SPTB: variants seen among roughly 807,000 people sequenced by gnomAD.
SPTB encodes spectrin beta chain, erythrocytic.
SPTB carries 45 observed loss-of-function variants against 256.2 expected under a neutral mutation model. That is an observed-to-expected ratio of 0.18 (90% CI 0.14 to 0.23). The LOEUF is 0.23. Among genes scored for constraint, SPTB ranks in the 10% least tolerant of loss-of-function variants. The probability of loss-of-function intolerance (pLI) is 1.00; values close to 1 mark genes in which losing one functional copy is unlikely to be tolerated. For missense variants in SPTB, 2,715 were observed against 3,040.4 expected (o/e 0.89, Z 2.52); for synonymous variants, 1,231 against 1,243.1 (o/e 0.99, Z 0.21).
chr14:64,750,351 T>C (rs2081926222), intron 33 of SPTB, 197 bp from the exon 34 acceptor site: 1 of 618,316 alleles, frequency 1.6e-6, no homozygotes, highest in Non-Finnish European at 2.6e-6. Context: ...GTATTCCTTC[T>C]AGTCTTCACA....
chr14:64,812,338 A>G (rs955244794), intron 2 of SPTB, among the ~76,000 whole-genome samples: 1 of 152,162 alleles, frequency 6.6e-6, no homozygotes, highest in African/African-American at 2.4e-5. Flanking sequence ...GGGATTTTTC[A>G]CCAGGCCAAA....
intron 24 of SPTB, 151 bp downstream of exon 24, chr14:64,774,246 G>T: frequency 9.3e-7 from 1 of 1,074,724 alleles, no homozygotes; most frequent in Non-Finnish European, 1.3e-6. Flanking sequence ...AATGAAATTG[G>T]ATCCATCACC....
chr14:64,818,226 A>G (rs1049563209), intron 2 of SPTB, among the ~76,000 whole-genome samples: 2 of 152,220 alleles, frequency 1.3e-5, no homozygotes, highest in Non-Finnish European at 1.5e-5. Context: ...AAAGAACAGG[A>G]GGAAGACTGA....
At chr14:64,834,832 T>C (rs1219885619) in intron 1 of SPTB, among the ~76,000 whole-genome samples, 4 of 152,220 alleles carry the variant, frequency 2.6e-5, no homozygotes, top group Non-Finnish European at 4.4e-5. Context: ...CATGCAGAAC[T>C]CTTCCAGACA....
At chr14:64,752,365 G>T (rs1431108936) in intron 33 of SPTB, 2 of 820,962 alleles carry the variant, frequency 2.4e-6, no homozygotes, top group South Asian at 1.4e-5. Context: ...TAGGGAGGAA[G>T]TTCTGGAAGG....
rs1555375959 is a variant in SPTB, at chr14:64,841,756, T to TA, written c.-51-18612_-51-18611insT. On this transcript the variant is annotated intron_variant, in intron 1 of 35. Transcript: ENST00000644917. This position sits in a 1 kb window ranked among gnomAD's most constrained non-coding sequence, Gnocchi z 4.6. ...CTGACATCCCATATATATATATATA[T>TA]TTTTTAAGGGTCTTTCTTTAACACA... Among the ~76,000 whole-genome samples, 24,049 of 151,570 alleles carry TA rather than the reference T, an allele frequency of 0.16. 2,766 individuals carry two copies. Among genetic ancestry groups the TA allele is most frequent in the African/African-American group, 0.32 (13,178 of 41,060 alleles).
chr14:64,759,655 G>C lies in SPTB; in HGVS notation c.6346-5862C>G, dbSNP rs1041760399. Among the ~76,000 whole-genome samples, 1 of 152,244 alleles carries C rather than the reference G, an allele frequency of 6.6e-6. No homozygotes were observed. The highest frequency in any genetic ancestry group is 2.4e-5 in the African/African-American group (1 of 41,466). ...GACCGGCAGGTTCTGCCCAAAGGCA[G>C]CATATGGAGGAGCTGATCTGAGGTT... On this transcript the variant is annotated intron_variant, in intron 32 of 35. Transcript: ENST00000644917. The surrounding 1 kb of genome is among the most constrained non-coding windows in gnomAD (Gnocchi z 4.8).
intron 1 of SPTB, among the ~76,000 whole-genome samples, chr14:64,846,629 G>A (rs557855487): frequency 6.6e-6 from 1 of 152,366 alleles, no homozygotes; most frequent in South Asian, 2.1e-4. Flanking sequence ...AAGAAAGACA[G>A]TGTCTCCCGC....
rs142637501 is a variant in SPTB at position 64,791,785 on chromosome 14, C to T, written c.2738G>A (p.Ser913Asn). The T allele has an allele frequency of 3.1e-6, 5 of 1,614,172 alleles. No individual in the cohort carries two copies. The Admixed American group carries it at 5.0e-5, about 16-fold the overall frequency. ...QIDGVNLAAN[S>N]LVESGHPRSR... ...GCGTGGGTGGCCACTCTCTACCAAGCTGTTGGCAGCGAGGTTCACACCATC... is the reference window on the plus strand; with the variant it reads ...GCGTGGGTGGCCACTCTCTACCAAGTTGTTGGCAGCGAGGTTCACACCATC... The change falls in exon 15 of 36, where the codon AGC becomes AAC. Residue 913 changes from serine to asparagine, a missense_variant. Physicochemically the swap from Ser to Asn is conservative, Grantham distance 46 (BLOSUM62 1). Coordinates refer to ENST00000644917, the MANE Select transcript of SPTB (RefSeq NM_001355436.2).
At chr14:64,842,368 T>C (rs982924179) in intron 1 of SPTB, among the ~76,000 whole-genome samples, 2 of 152,124 alleles carry the variant, frequency 1.3e-5, no homozygotes, top group African/African-American at 4.8e-5. Flanking sequence ...GCAGAAATAG[T>C]AGACTAAGGT....
chr14:64,782,153 A>C, intron 20 of SPTB, 137 bp downstream of exon 20: 3 of 1,270,898 alleles, frequency 2.4e-6, no homozygotes, highest in Non-Finnish European at 3.4e-6. Context: ...TGTGCAATAA[A>C]CCCCCATGAC....
At chr14:64,766,280 G>C in intron 32 of SPTB, 1 of 609,204 alleles carries the variant, frequency 1.6e-6, no homozygotes, top group Non-Finnish European at 2.3e-6. Flanking sequence ...GTGCATGCAT[G>C]TGTGTGTGGG....
intron 1 of SPTB, among the ~76,000 whole-genome samples, chr14:64,831,680 C>T (rs1231426003): frequency 2.6e-5 from 4 of 152,188 alleles, no homozygotes; most frequent in Non-Finnish European, 5.9e-5. Flanking sequence ...TAGAAGGGGA[C>T]ATATGCAAGA....
rs2082908420 is a variant in SPTB at position 64,802,623 on chromosome 14, TACAA to T, written c.475-310_475-307del. ...TCCATAGCTGTATTGTGGCTGTCTG[TACAA>T]ACATTGATTCTGTTCCTATTATGTG... On this transcript the variant is annotated intron_variant, in intron 4 of 35. Transcript: ENST00000644917. This position sits in a 1 kb window ranked among gnomAD's most constrained non-coding sequence, Gnocchi z 5.1. Among the ~76,000 whole-genome samples, 1 of 152,148 alleles carries T rather than the reference TACAA, an allele frequency of 6.6e-6. No homozygotes were observed. The highest frequency in any genetic ancestry group is 2.4e-5 in the African/African-American group (1 of 41,416).
At position 64,852,681 on chromosome 14, in the gene SPTB, T is replaced by C. The variant is rs2083807055; in HGVS notation, c.-52+27111A>G. Among the ~76,000 whole-genome samples the C allele has an allele frequency of 6.6e-6, 1 of 152,116 alleles. No homozygotes were observed. The highest frequency in any genetic ancestry group is 2.4e-5 in the African/African-American group (1 of 41,406). On this transcript the variant is annotated intron_variant, in intron 1 of 35. Coordinates refer to ENST00000644917, the MANE Select transcript of SPTB (RefSeq NM_001355436.2). The surrounding 1 kb of genome is among the most constrained non-coding windows in gnomAD (Gnocchi z 4.2). ...GTGAGAGAAAGGGAAGAGCCAAGAA[T>C]GATTTCTCAAGTGGATGATGGTCCT... is the stretch of plus-strand genomic sequence containing the variant.
chr14:64,805,435 C>T (rs1002668724), intron 2 of SPTB, among the ~76,000 whole-genome samples: 1 of 152,196 alleles, frequency 6.6e-6, no homozygotes, highest in Non-Finnish European at 1.5e-5. Flanking sequence ...TACCCATCAA[C>T]CCATCAAATA....
intron 13 of SPTB, 56 bp downstream of exon 13, chr14:64,794,411 C>T: frequency 6.2e-7 from 1 of 1,609,206 alleles, no homozygotes; most frequent in Non-Finnish European, 8.5e-7. Flanking sequence ...GTTGTTAGGC[C>T]AGAGGTGAGG....
In SPTB at chr14:64,793,498, G is replaced by A. The variant is rs150328574; in HGVS notation, c.2165C>T (p.Ser722Leu). The change falls in exon 14 of 36, where the codon TCG (serine) becomes TTG (leucine). Residue 722 changes from serine to leucine, a missense_variant. Ser to Leu is a moderately radical substitution (Grantham distance 145). Transcript: ENST00000644917. The surrounding 1 kb of genome is among the most constrained non-coding windows in gnomAD (Gnocchi z 7.0). ...PQIEARIKEV[S>L]AQWDQLKDLA... ...GTCCTTCAGCTGGTCCCACTGTGCCGACACCTCCTTTATGCGGGCCTCGAT... is the reference window on the plus strand; with the variant it reads ...GTCCTTCAGCTGGTCCCACTGTGCCAACACCTCCTTTATGCGGGCCTCGAT... 1.5e-4 allele frequency: 236 copies of A among 1,613,968 alleles called. No individual in the cohort carries two copies. Among genetic ancestry groups the A allele is most frequent in the Non-Finnish European group, 1.9e-4 (221 of 1,180,040 alleles).
intron 32 of SPTB, chr14:64,754,431 G>T (rs2081994157): frequency 6.1e-6 from 1 of 164,168 alleles, no homozygotes; most frequent in African/African-American, 2.4e-5. Flanking sequence ...ACAGGGCAGT[G>T]GTTCCTAACC....
Sources: gnomAD v4.1 joint callset for allele counts (sites outside exome capture counted in the v4.1 genomes callset) on GRCh38, gnomAD v4.1.1 for gene constraint, Gnocchi (gnomAD v3.1) non-coding constraint, MANE v1.5 for transcripts, NCBI Gene and HGNC (gene_info 2026-07-23, HGNC 2026-07-21) for gene names.